Variants in HDAC8 observed in about 807,000 individuals in gnomAD.
The protein encoded by HDAC8 is histone deacetylase 8, also known as histone deacetylase-like 1.
Under a neutral mutation model 32.2 loss-of-function variants are expected in HDAC8, and 1 was observed. The observed-to-expected ratio is 0.03, with a 90% CI of 0.01 to 0.15. The LOEUF is 0.15. Ranked by LOEUF, HDAC8 falls within the 10% of genes least tolerant of loss-of-function variation. The pLI, the probability that HDAC8 is intolerant of heterozygous loss-of-function variation, is 1.00. For synonymous variants in HDAC8, 108 were observed against 113.9 expected (o/e 0.95, Z 0.33); for missense variants, 117 against 300.0 (o/e 0.39, Z 4.51).
At chrX:72,346,463 C>T (rs2044030716) in intron 10 of HDAC8, among the ~76,000 whole-genome samples, 1 of 112,324 alleles carries the variant, frequency 8.9e-6, no homozygotes, top group African/African-American at 3.2e-5. Flanking sequence ...CTCCAGCAGG[C>T]CTTGAATATG....
At chrX:72,337,952 C>T (rs1183648831) in intron 10 of HDAC8, among the ~76,000 whole-genome samples, 1 of 111,659 alleles carries the variant, frequency 9.0e-6, no homozygotes, top group Non-Finnish European at 1.9e-5. Flanking sequence ...TGGCTATCCC[C>T]ATTTCCAACT....
intron 7 of HDAC8, among the ~76,000 whole-genome samples, chrX:72,482,662 G>T (rs2048545581): frequency 9.0e-6 from 1 of 111,364 alleles, no homozygotes. Context: ...CCCAGGGATG[G>T]TGTTTTTTAA....
intron 9 of HDAC8, among the ~76,000 whole-genome samples, chrX:72,430,980 T>A (rs2046799508): frequency 8.9e-6 from 1 of 112,116 alleles, no homozygotes; most frequent in Non-Finnish European, 1.9e-5. Context: ...GCCTCTATTG[T>A]CTTACACTGA....
At chrX:72,358,633 T>C (rs1555951512) in intron 9 of HDAC8, among the ~76,000 whole-genome samples, 1 of 112,173 alleles carries the variant, frequency 8.9e-6, no homozygotes, top group Non-Finnish European at 1.9e-5. Flanking sequence ...ATTTTCCATT[T>C]AATATTTTTG....
chrX:72,563,736 T>TA (rs1365590994), intron 4 of HDAC8, among the ~76,000 whole-genome samples: 17 of 108,512 alleles, frequency 1.6e-4, no homozygotes, highest in East Asian at 1.1e-3. Context: ...TTCCCATATT[T>TA]AAAAAAAAAA....
chrX:72,476,597 A>C (rs782786999), intron 7 of HDAC8, among the ~76,000 whole-genome samples: 1 of 111,519 alleles, frequency 9.0e-6, no homozygotes, highest in East Asian at 2.8e-4. Context: ...ATAAGGTTGG[A>C]TTCAGTGTTT....
At chrX:72,477,596 T>C (rs1415787893) in intron 7 of HDAC8, among the ~76,000 whole-genome samples, 14 of 112,282 alleles carry the variant, frequency 1.2e-4, no homozygotes, top group Admixed American at 1.1e-3. Flanking sequence ...TCCCAGATGA[T>C]TGGAAATCTC....
chrX:72,532,249 A>ATT (rs34829256), intron 4 of HDAC8, among the ~76,000 whole-genome samples: 2,471 of 54,068 alleles, frequency 0.046, 201 homozygotes, highest in African/African-American at 0.071. Context: ...CGTGTTGGGC[A>ATT]TTTTTTTTTT....
At chrX:72,374,082 T>C (rs891716279) in intron 9 of HDAC8, among the ~76,000 whole-genome samples, 1 of 111,814 alleles carries the variant, frequency 8.9e-6, no homozygotes, top group Non-Finnish European at 1.9e-5. Context: ...TTTCACTCTG[T>C]CACCCAGGCT....
At chrX:72,476,874 T>C (rs1556000850) in intron 7 of HDAC8, among the ~76,000 whole-genome samples, 1 of 111,616 alleles carries the variant, frequency 9.0e-6, no homozygotes, top group East Asian at 2.8e-4. Context: ...GAGCAGTGAC[T>C]TCCTGAATAG....
At chrX:72,393,370 T>C (rs1476858325) in intron 9 of HDAC8, among the ~76,000 whole-genome samples, 1 of 111,751 alleles carries the variant, frequency 8.9e-6, no homozygotes, top group Non-Finnish European at 1.9e-5. Context: ...GTCTAAAATG[T>C]TGGATGAGGA....
intron 5 of HDAC8, among the ~76,000 whole-genome samples, chrX:72,494,041 A>G (rs1193598860): frequency 8.9e-6 from 1 of 111,905 alleles, no homozygotes; most frequent in Non-Finnish European, 1.9e-5. Context: ...AAAACAAGCC[A>G]TAGGTCAAAT....
chrX:72,489,097 C>A, intron 6 of HDAC8, 56 bp from the exon 7 acceptor site: 1 of 838,434 alleles, frequency 1.2e-6, no homozygotes, highest in Non-Finnish European at 1.7e-6. Flanking sequence ...ACCCAGAAAA[C>A]TTAAAGGATT....
At chrX:72,364,525 C>T (rs782168099) in intron 9 of HDAC8, among the ~76,000 whole-genome samples, 24 of 111,885 alleles carry the variant, frequency 2.1e-4, no homozygotes, top group Non-Finnish European at 4.1e-4. Flanking sequence ...AATTGTAAGT[C>T]CTTCCAAAGA....
intron 9 of HDAC8, among the ~76,000 whole-genome samples, chrX:72,440,455 G>T (rs1390708763): frequency 9.0e-6 from 1 of 110,742 alleles, no homozygotes; most frequent in African/African-American, 3.3e-5. Context: ...GCTAGCAGAA[G>T]ACAAGAAATA....
rs148517783 is a variant in HDAC8 at position 72,401,067 on chromosome X, A to G, written c.1006-49229T>C. On this transcript the variant is annotated intron_variant, in intron 9 of 10. Coordinates refer to ENST00000373573, the MANE Select transcript of HDAC8 (RefSeq NM_018486.3). ...CATTTGTGTACATGTTTTTGTGTGA[A>G]CATATGTTTTCATTGGGTATATACT... 9.7e-3 allele frequency among the ~76,000 whole-genome samples: 1,093 copies of G among 112,127 alleles called. 14 individuals carry two copies. Among genetic ancestry groups the G allele is most frequent in the African/African-American group, 0.034 (1,046 of 30,895 alleles).
intron 4 of HDAC8, among the ~76,000 whole-genome samples, chrX:72,559,546 A>G (rs1388973247): frequency 1.1e-4 from 10 of 91,183 alleles, no homozygotes; most frequent in South Asian, 5.4e-4. Flanking sequence ...CTGGGATGTG[A>G]GGAGCCCCTC....
At chrX:72,550,516 C>G (rs1362791858) in intron 4 of HDAC8, among the ~76,000 whole-genome samples, 1 of 110,707 alleles carries the variant, frequency 9.0e-6, no homozygotes, top group African/African-American at 3.3e-5. Context: ...CTAGTACATA[C>G]AAACACACAC....
chrX:72,481,516 T>C (rs1556003092), intron 7 of HDAC8, among the ~76,000 whole-genome samples: 1 of 111,695 alleles, frequency 9.0e-6, no homozygotes, highest in African/African-American at 3.3e-5. Context: ...TGAATATGTG[T>C]GTGTATGCAT....
Sources: allele counts gnomAD v4.1 joint callset (sites outside exome capture counted in the v4.1 genomes callset), GRCh38; gene constraint gnomAD v4.1.1; transcripts MANE v1.5; gene names NCBI Gene and HGNC (gene_info 2026-07-23, HGNC 2026-07-21).